The following SETBP1 variants were observed in gnomAD, a reference collection of about 807,000 sequenced individuals.
The protein encoded by SETBP1 is SET-binding protein.
In SETBP1, 9 loss-of-function variants were observed where a neutral mutation model predicts 101.0. The ratio of observed to expected loss-of-function variants is 0.09; its 90% CI spans 0.05 to 0.16. SETBP1 has a LOEUF of 0.16. Among genes scored for constraint, SETBP1 ranks in the 10% least tolerant of loss-of-function variants. SETBP1 has a pLI of 1.00. For synonymous variants in SETBP1, 818 were observed against 788.5 expected, an observed-to-expected ratio of 1.04 and a Z score of -0.63; for missense variants, 1,858 against 2,033.8, an observed-to-expected ratio of 0.91 and a Z score of 1.66.
chr18:44,741,072 A>G (rs1294451984), intron 2 of SETBP1, among the ~76,000 whole-genome samples: 5 of 152,270 alleles, frequency 3.3e-5, no homozygotes, highest in African/African-American at 7.2e-5. Flanking sequence ...ATGAACAAAC[A>G]AAAAACTTTA....
intron 3 of SETBP1, among the ~76,000 whole-genome samples, chr18:44,937,299 A>T (rs576638403): frequency 6.6e-6 from 1 of 151,686 alleles, no homozygotes; most frequent in South Asian, 2.1e-4. Flanking sequence ...AAAAATACAA[A>T]AAAAAATTAG....
At chr18:44,860,985 TA>T in intron 2 of SETBP1, among the ~76,000 whole-genome samples, 1 of 152,330 alleles carries the variant, frequency 6.6e-6, no homozygotes, top group African/African-American at 2.4e-5. Context: ...CCTTCTCTGT[TA>T]AAATATGGAT....
chr18:45,061,982 A>C (rs1395744956), intron 5 of SETBP1, among the ~76,000 whole-genome samples: 2 of 152,196 alleles, frequency 1.3e-5, no homozygotes, highest in African/African-American at 4.8e-5. Flanking sequence ...GGCCACCTTG[A>C]AGGTGGAGCC....
At chr18:45,018,474 G>T (rs533719309) in intron 4 of SETBP1, among the ~76,000 whole-genome samples, 3 of 152,294 alleles carry the variant, frequency 2.0e-5, no homozygotes, top group South Asian at 2.1e-4. Context: ...TTGCTGGGTG[G>T]ACGCTCTTGG....
chr18:44,910,695 A>C (rs536525638), intron 3 of SETBP1, among the ~76,000 whole-genome samples: 1 of 152,290 alleles, frequency 6.6e-6, no homozygotes, highest in South Asian at 2.1e-4. Context: ...CTAAAAACCT[A>C]GAGGGGGTTT....
intron 3 of SETBP1, among the ~76,000 whole-genome samples, chr18:44,916,867 T>A (rs1177833808): frequency 6.6e-6 from 1 of 152,150 alleles, no homozygotes; most frequent in Non-Finnish European, 1.5e-5. Flanking sequence ...TTGGGTGGTA[T>A]GAGGGATAAC....
intron 4 of SETBP1, among the ~76,000 whole-genome samples, chr18:44,990,509 T>C (rs1468471774): frequency 6.6e-6 from 1 of 152,012 alleles, no homozygotes; most frequent in Admixed American, 6.6e-5. Flanking sequence ...GTAGGATTGC[T>C]GGAGCTCAGA....
At chr18:44,946,226 C>T (rs1450744057) in intron 3 of SETBP1, among the ~76,000 whole-genome samples, 4 of 152,170 alleles carry the variant, frequency 2.6e-5, no homozygotes, top group Non-Finnish European at 4.4e-5. Context: ...GTCCACCCTG[C>T]ACTTTGATTG....
Position 45,036,476 on chromosome 18 carries a change from G to C in SETBP1, c.4001-2009G>C, listed in dbSNP as rs541706734. Among the ~76,000 whole-genome samples, 5 of 152,182 alleles carry C rather than the reference G, an allele frequency of 3.3e-5. No homozygotes were observed. The East Asian group carries it at 5.8e-4, about 18-fold the overall frequency. On this transcript the variant is annotated intron_variant, in intron 4 of 5. Transcript: ENST00000649279. ...TTTTGAATGAATTTTAAATATGTCT[G>C]TACCTAGCCCATGATGAGCACACCT... is the stretch of plus-strand genomic sequence containing the variant.
At chr18:44,831,687 A>G (rs2072373658) in intron 2 of SETBP1, among the ~76,000 whole-genome samples, 1 of 152,242 alleles carries the variant, frequency 6.6e-6, no homozygotes, top group Non-Finnish European at 1.5e-5. Flanking sequence ...TATAAGGTGA[A>G]CACTCTTCAT....
intron 4 of SETBP1, among the ~76,000 whole-genome samples, chr18:45,016,882 T>C (rs2072958076): frequency 6.7e-6 from 1 of 150,138 alleles, no homozygotes; most frequent in Non-Finnish European, 1.5e-5. Context: ...TGGTAAAAAT[T>C]AGCAGGAGCC....
At chr18:44,860,186 C>T (rs1025803344) in intron 2 of SETBP1, among the ~76,000 whole-genome samples, 6 of 152,128 alleles carry the variant, frequency 3.9e-5, no homozygotes, top group African/African-American at 9.7e-5. Context: ...AAGAGGAAAG[C>T]GAGGGTGGAT....
At chr18:44,749,159 G>A (rs764794333) in intron 2 of SETBP1, among the ~76,000 whole-genome samples, 1 of 152,170 alleles carries the variant, frequency 6.6e-6, no homozygotes, top group Non-Finnish European at 1.5e-5. Flanking sequence ...CAAGGCAGAT[G>A]CATAATCATA....
At chr18:44,948,656 G>C (rs1229386051) in intron 3 of SETBP1, among the ~76,000 whole-genome samples, 3 of 152,148 alleles carry the variant, frequency 2.0e-5, no homozygotes, top group African/African-American at 2.4e-5. Context: ...AATGCATCCT[G>C]TAAGTTTACT....
At chr18:44,736,684 C>T (rs895947795) in intron 2 of SETBP1, among the ~76,000 whole-genome samples, 2 of 152,174 alleles carry the variant, frequency 1.3e-5, no homozygotes, top group African/African-American at 4.8e-5. Context: ...TATTTTATCA[C>T]TTTAATTACT....
intron 2 of SETBP1, among the ~76,000 whole-genome samples, chr18:44,784,815 G>A (rs2071204160): frequency 6.6e-6 from 1 of 152,178 alleles, no homozygotes; most frequent in Admixed American, 6.5e-5. Context: ...TAGGGCCAGA[G>A]TTCAGTCTCT....
At chr18:44,773,832 C>G (rs1302528165) in intron 2 of SETBP1, among the ~76,000 whole-genome samples, 16 of 48,458 alleles carry the variant, frequency 3.3e-4, no homozygotes, top group Admixed American at 1.5e-3. Flanking sequence ...CTGTCTCTCT[C>G]TGTTTATGTG....
At chr18:44,847,199 C>G (rs2072742329) in intron 2 of SETBP1, among the ~76,000 whole-genome samples, 1 of 152,222 alleles carries the variant, frequency 6.6e-6, no homozygotes, top group African/African-American at 2.4e-5. Flanking sequence ...TGCGTGCTCA[C>G]CATAGGGTCT....
Position 44,992,224 on chromosome 18 carries a change from C to CA in SETBP1, c.4000+38891dup, listed in dbSNP as rs750603581. ...AAATTGTTTATTAAATGAATATACT[C>CA]AAAAAAAGTAGAAGAAAGGAATGTA... On this transcript the variant is annotated intron_variant, in intron 4 of 5. Coordinates refer to ENST00000649279, the MANE Select transcript of SETBP1 (RefSeq NM_015559.3). Among the ~76,000 whole-genome samples, 16 of 151,700 alleles carry CA rather than the reference C, an allele frequency of 1.1e-4. No individual in the cohort carries two copies. The East Asian group carries it at 2.9e-3, about 27-fold the overall frequency.
Sources: gnomAD v4.1 joint callset for allele counts (sites outside exome capture counted in the v4.1 genomes callset) on GRCh38, gnomAD v4.1.1 for gene constraint, MANE v1.5 for transcripts, NCBI Gene and HGNC (gene_info 2026-07-23, HGNC 2026-07-21) for gene names.